The following MAT2B variants were observed in gnomAD, a reference collection of about 807,000 sequenced individuals.
The protein encoded by MAT2B is methionine adenosyltransferase 2 subunit beta.
MAT2B carries 16 observed loss-of-function variants against 36.1 expected under a neutral mutation model. The ratio of observed to expected loss-of-function variants is 0.44; its 90% CI spans 0.30 to 0.67. The LOEUF (loss-of-function observed/expected upper bound fraction) is 0.67. Ranked by LOEUF, MAT2B falls within the 30% of genes least tolerant of loss-of-function variation. MAT2B has a pLI of 0.09. For missense variants in MAT2B, 332 were observed against 398.2 expected (o/e 0.83, Z 1.42); for synonymous variants, 148 against 136.9 (o/e 1.08, Z -0.57).
intron 5 of MAT2B, chr5:163,517,352 A>AGAATTTTAAAATTTTGATTTTAAAAATTT (rs2113563364): frequency 3.2e-6 from 1 of 309,210 alleles, no homozygotes; most frequent in African/African-American, 2.1e-5. Context: ...AAAAATTCTT[A>AGAATTTTAAAATTTTGATTTTAAAAATTT]AGGTTTAAAT....
At chr5:163,514,807 A>G (rs1206834890) in intron 4 of MAT2B, among the ~76,000 whole-genome samples, 1 of 152,210 alleles carries the variant, frequency 6.6e-6, no homozygotes, top group African/African-American at 2.4e-5. Context: ...TTTTTTAAAA[A>G]GTTTTCTTGT....
rs1475770618 is a variant in MAT2B, at chr5:163,505,835, T to C, written c.63+86T>C. The C allele has an allele frequency of 2.8e-6, 3 of 1,086,398 alleles. No individual in the cohort carries two copies. In the African/African-American group the frequency reaches 4.9e-5, roughly 18 times the overall value. 67.3% of individuals were successfully genotyped at this position (1,086,398 alleles called of 1,614,324 possible). A position where few individuals can be genotyped will look rare whatever the true frequency, so the allele number is the denominator to read the frequency against. ...CGGGGCTCGGGCGGCTTTGCAGGCG[T>C]ATTCCGCCCGGGTCAGAGCCTCCGG... On this transcript the variant is annotated intron_variant, in intron 1 of 6. Transcript: ENST00000321757.
At chr5:163,506,986 A>G (rs1759956581) in intron 1 of MAT2B, among the ~76,000 whole-genome samples, 1 of 152,210 alleles carries the variant, frequency 6.6e-6, no homozygotes, top group Non-Finnish European at 1.5e-5. Flanking sequence ...GGTTGTTGTT[A>G]GTAATACTGT....
At chr5:163,517,440 C>G (rs1561658674) in intron 5 of MAT2B, 121 bp from the exon 6 acceptor site, 1 of 538,596 alleles carries the variant, frequency 1.9e-6, no homozygotes, top group African/African-American at 1.9e-5. Flanking sequence ...GGAGACCTTT[C>G]CAGAAAAAGA....
intron 1 of MAT2B, among the ~76,000 whole-genome samples, chr5:163,507,195 CATACTA>C (rs1253824036): frequency 1.3e-5 from 2 of 152,174 alleles, no homozygotes; most frequent in African/African-American, 4.8e-5. Flanking sequence ...GGGAAAACCA[CATACTA>C]ATAGTATTCC....
rs1258611662 is a variant in MAT2B, at chr5:163,512,094, T to C, written c.156T>C (p.Asn52=). The change falls in exon 2 of 7, where the codon AAT becomes AAC. Residue 52 remains asparagine (N), a synonymous_variant. Transcript: ENST00000321757. The part of the protein sequence containing the change: ...RAVHKEFQQN[N]WHAVGCGFRR... ...TACACAAAGAATTTCAGCAGAATAA[T>C]TGGCATGCAGTTGGCTGTGGTTTCA... 1 of 1,614,194 alleles carries C rather than the reference T, an allele frequency of 6.2e-7. No individual in the cohort carries two copies. Among genetic ancestry groups the C allele is most frequent in the Non-Finnish European group, 8.5e-7 (1 of 1,180,002 alleles).
upstream of MAT2B, chr5:163,503,155 T>A: frequency 2.2e-6 from 1 of 448,236 alleles, no homozygotes; most frequent in Non-Finnish European, 4.1e-6. Context: ...ACATGAAACT[T>A]CTCATTGGGT....
At position 163,518,472 on chromosome 5, in the gene MAT2B, A is replaced by G; in HGVS notation, c.*109A>G. The G allele has an allele frequency of 1.2e-6, 1 of 833,444 alleles. No homozygotes were observed. Among genetic ancestry groups the G allele is most frequent in the Non-Finnish European group, 1.8e-6 (1 of 562,174 alleles). The allele number at this position is 833,444 out of a possible 1,614,324, so 51.6% of individuals were successfully genotyped here. A position where few individuals can be genotyped will look rare whatever the true frequency, so the allele number is the denominator to read the frequency against. ...TATGAGTACTTTAATTGTGACTCTT[A>G]GGATCTTTCAGGTAAATGATGCTCT... On this transcript the variant is annotated 3_prime_UTR_variant, in exon 7 of 7. Coordinates refer to ENST00000321757, the MANE Select transcript of MAT2B (RefSeq NM_013283.5).
At chr5:163,507,854 G>A (rs973140047) in intron 1 of MAT2B, among the ~76,000 whole-genome samples, 3 of 152,204 alleles carry the variant, frequency 2.0e-5, no homozygotes, top group Admixed American at 6.5e-5. Flanking sequence ...CAGAGGAAAA[G>A]TTACCTTATT....
chr5:163,508,364 A>G (rs1051666223), intron 1 of MAT2B, among the ~76,000 whole-genome samples: 2 of 151,782 alleles, frequency 1.3e-5, no homozygotes, highest in African/African-American at 4.8e-5. Flanking sequence ...CAGCCTCCCA[A>G]GTAGCTGAGA....
chr5:163,504,321 C>T (rs1240225788), upstream of MAT2B, among the ~76,000 whole-genome samples: 1 of 47,500 alleles, frequency 2.1e-5, no homozygotes, highest in Non-Finnish European at 4.8e-5. Flanking sequence ...CAGTAATAGC[C>T]TGTGTTTAAA....
At position 163,518,515 on chromosome 5, in the gene MAT2B, C is replaced by T; in HGVS notation, c.*152C>T. The stretch of plus-strand genomic sequence containing the variant: ...GATGCTCTTGCACTAGTGAAATTGT[C>T]TAAAGAAACTAAAGGGCAGTCATGC... On this transcript the variant is annotated 3_prime_UTR_variant, in exon 7 of 7. Coordinates refer to ENST00000321757, the MANE Select transcript of MAT2B (RefSeq NM_013283.5). 1 of 564,226 alleles carries T rather than the reference C, an allele frequency of 1.8e-6. No individual in the cohort carries two copies. The highest frequency in any genetic ancestry group is 2.9e-6 in the Non-Finnish European group (1 of 343,142). The allele number at this position is 564,226 out of a possible 1,614,324, so 35.0% of individuals were successfully genotyped here. A position where few individuals can be genotyped will look rare whatever the true frequency, so the allele number is the denominator to read the frequency against.
upstream of MAT2B, chr5:163,503,263 G>T: frequency 1.3e-6 from 1 of 741,572 alleles, no homozygotes; most frequent in Non-Finnish European, 2.4e-6. Flanking sequence ...AATTTAAAAG[G>T]TCAAGTGAAG....
At chr5:163,508,564 C>T (rs975343946) in intron 1 of MAT2B, among the ~76,000 whole-genome samples, 26 of 152,122 alleles carry the variant, frequency 1.7e-4, no homozygotes, top group African/African-American at 6.3e-4. Context: ...AAAACAAAAA[C>T]AGCTATGATT....
rs527790773 is a variant in MAT2B, at chr5:163,519,249, C to T, written c.*886C>T. ...TGCTTTAATTTTTAAAAATTACATT[C>T]TTCTGATGTAACATGTGATACATAC... is the stretch of plus-strand genomic sequence containing the variant. On this transcript the variant is annotated 3_prime_UTR_variant, in exon 7 of 7. Transcript: ENST00000321757. 2 of 152,202 alleles carry T rather than the reference C, an allele frequency of 1.3e-5. No individual in the cohort carries two copies. The highest frequency in any genetic ancestry group is 4.8e-5 in the African/African-American group (2 of 41,520). The allele number at this position is 152,202 out of a possible 1,614,324, so 9.4% of individuals were successfully genotyped here.
chr5:163,510,989 C>CA (rs1326230443), intron 1 of MAT2B, among the ~76,000 whole-genome samples: 1 of 152,112 alleles, frequency 6.6e-6, no homozygotes, highest in Non-Finnish European at 1.5e-5. Context: ...AAACTTAAAA[C>CA]ACGTTTCTCT....
In MAT2B at chr5:163,519,254, G is replaced by C. The variant is rs1192951967; in HGVS notation, c.*891G>C. 1 of 151,904 alleles carries C rather than the reference G, an allele frequency of 6.6e-6. No homozygotes were observed. Among genetic ancestry groups the C allele is most frequent in the Non-Finnish European group, 1.5e-5 (1 of 67,996 alleles). The allele number at this position is 151,904 out of a possible 1,614,324, so 9.4% of individuals were successfully genotyped here. On this transcript the variant is annotated 3_prime_UTR_variant, in exon 7 of 7. Transcript: ENST00000321757. ...TAATTTTTAAAAATTACATTCTTCT[G>C]ATGTAACATGTGATACATACAAAAG...
intron 3 of MAT2B, 21 bp downstream of exon 3, chr5:163,513,690 T>C (rs1389197828): frequency 1.3e-6 from 2 of 1,588,788 alleles, no homozygotes; most frequent in Admixed American, 3.4e-5. Context: ...CTTTATAAAA[T>C]TTTCATAAAA....
intron 6 of MAT2B, 64 bp downstream of exon 6, chr5:163,517,738 G>A: frequency 2.0e-6 from 2 of 1,016,572 alleles, no homozygotes; most frequent in South Asian, 1.3e-5. Context: ...GCTGTGTTGG[G>A]TAACTTCATT....
Sources: allele counts gnomAD v4.1 joint callset (sites outside exome capture counted in the v4.1 genomes callset), GRCh38; gene constraint gnomAD v4.1.1; transcripts MANE v1.5; gene names NCBI Gene and HGNC (gene_info 2026-07-23, HGNC 2026-07-21).